Variants in PSIP1 observed in about 807,000 individuals in gnomAD.
PSIP1 encodes the protein PC4 and SRSF1 interacting protein 1.
In PSIP1, 19 loss-of-function variants were observed where a neutral mutation model predicts 74.7. That is an observed-to-expected ratio of 0.25 (90% confidence interval 0.18 to 0.37). PSIP1 has a LOEUF of 0.37. Ranked by LOEUF, PSIP1 falls within the 10% of genes least tolerant of loss-of-function variation. PSIP1 has a pLI of 1.00. For synonymous variants in PSIP1, 222 were observed against 195.3 expected (o/e 1.14, Z -1.14); for missense variants, 601 against 614.3 (o/e 0.98, Z 0.23).
intron 9 of PSIP1, 94 bp downstream of exon 9, chr9:15,473,906 AAAAAAAAAC>A: frequency 4.7e-6 from 4 of 850,064 alleles, no homozygotes; most frequent in African/African-American, 2.3e-5. Flanking sequence ...ATCTCAAACA[AAAAAAAAAC>A]AAAAAAAAAA....
At chr9:15,503,200 C>G (rs530157766) in intron 3 of PSIP1, among the ~76,000 whole-genome samples, 1 of 151,852 alleles carries the variant, frequency 6.6e-6, no homozygotes, top group Non-Finnish European at 1.5e-5. Flanking sequence ...AACCCCATCT[C>G]TACTAAAAAC....
At chr9:15,476,636 C>T (rs1020721099) in intron 8 of PSIP1, among the ~76,000 whole-genome samples, 1 of 152,108 alleles carries the variant, frequency 6.6e-6, no homozygotes, top group East Asian at 1.9e-4. Flanking sequence ...ACAAATGATT[C>T]CTGAGGGATG....
At chr9:15,499,771 G>A (rs776991949) in intron 3 of PSIP1, among the ~76,000 whole-genome samples, 14 of 151,928 alleles carry the variant, frequency 9.2e-5, no homozygotes, top group Non-Finnish European at 1.5e-4. Flanking sequence ...CTACTCAGGA[G>A]GCTGAGGCAG....
chr9:15,477,651 T>G (rs1161976194), intron 8 of PSIP1, among the ~76,000 whole-genome samples: 1 of 151,808 alleles, frequency 6.6e-6, no homozygotes, highest in African/African-American at 2.4e-5. Context: ...CTGGCAAAGA[T>G]TCCCCAAAAA....
At position 15,495,376 on chromosome 9, in the gene PSIP1, C is replaced by G. The variant is rs186688079; in HGVS notation, c.150-5252G>C. Among the ~76,000 whole-genome samples, 134 of 152,180 alleles carry G rather than the reference C, an allele frequency of 8.8e-4. 2 individuals are homozygous for G. The Middle Eastern group carries it at 0.02, about 23-fold the overall frequency. On this transcript the variant is annotated intron_variant, in intron 3 of 15. Coordinates refer to ENST00000380733, the MANE Select transcript of PSIP1 (RefSeq NM_033222.5). Reference sequence around the variant, plus strand: ...CTTAAAAAGGACCATGCAAGGCAATCTTAATAATCAATGGGAAAAGTTACG... The same window carrying G: ...CTTAAAAAGGACCATGCAAGGCAATGTTAATAATCAATGGGAAAAGTTACG...
chr9:15,506,883 T>C (rs1310892203), intron 2 of PSIP1, among the ~76,000 whole-genome samples: 2 of 152,234 alleles, frequency 1.3e-5, no homozygotes. Flanking sequence ...TTTATCCACC[T>C]GTTTCCACTG....
intron 5 of PSIP1, among the ~76,000 whole-genome samples, 178 bp downstream of exon 5, chr9:15,486,649 A>G (rs1282737191): frequency 6.6e-6 from 1 of 152,138 alleles, no homozygotes. Flanking sequence ...TTAAAGATGC[A>G]TAAGTTGTTT....
chr9:15,499,686 C>T (rs1336933018), intron 3 of PSIP1, among the ~76,000 whole-genome samples: 2 of 152,052 alleles, frequency 1.3e-5, no homozygotes, highest in African/African-American at 2.4e-5. Context: ...CCCGCCTGGC[C>T]AACATGGTGA....
chr9:15,493,081 T>C (rs551938910), intron 3 of PSIP1, among the ~76,000 whole-genome samples: 6 of 152,288 alleles, frequency 3.9e-5, no homozygotes, highest in South Asian at 2.1e-4. Context: ...CCTGCTTGAA[T>C]TTCTCCCTAG....
At chr9:15,476,121 G>C (rs1209679283) in intron 8 of PSIP1, among the ~76,000 whole-genome samples, 1 of 152,124 alleles carries the variant, frequency 6.6e-6, no homozygotes, top group African/African-American at 2.4e-5. Flanking sequence ...ACTCCACTGA[G>C]TGTGTGCCCA....
rs1310461740 is a variant in PSIP1 at position 15,464,443 on chromosome 9, A to G, written c.*1077T>C. The G allele has an allele frequency of 5.0e-6, 1 of 199,068 alleles. No homozygotes were observed. The highest frequency in any genetic ancestry group is 6.0e-5 in the Admixed American group (1 of 16,538). 12.3% of individuals were successfully genotyped at this position (199,068 alleles called of 1,614,324 possible). On this transcript the variant is annotated 3_prime_UTR_variant, in exon 16 of 16. Coordinates refer to ENST00000380733, the MANE Select transcript of PSIP1 (RefSeq NM_033222.5). Reference sequence around the variant, plus strand: ...TATCCTTTAGTTAACATACCCTTAAATTTTGTAACATTGATTTTACCCTGG... The same window carrying G: ...TATCCTTTAGTTAACATACCCTTAAGTTTTGTAACATTGATTTTACCCTGG...
At chr9:15,488,831 C>G (rs528569177) in intron 4 of PSIP1, among the ~76,000 whole-genome samples, 1 of 152,112 alleles carries the variant, frequency 6.6e-6, no homozygotes, top group Non-Finnish European at 1.5e-5. Context: ...ACCATCCTGG[C>G]TAACACGGTG....
At chr9:15,476,357 T>G (rs2036077460) in intron 8 of PSIP1, among the ~76,000 whole-genome samples, 1 of 152,212 alleles carries the variant, frequency 6.6e-6, no homozygotes, top group Admixed American at 6.5e-5. Context: ...TGGGTAAAAC[T>G]GTTGGACCGC....
intron 3 of PSIP1, among the ~76,000 whole-genome samples, chr9:15,497,748 T>C (rs1409491076): frequency 2.0e-5 from 3 of 152,294 alleles, no homozygotes; most frequent in East Asian, 3.9e-4. Context: ...GGTTTCTTTT[T>C]GGAGAAATGA....
intron 10 of PSIP1, chr9:15,472,139 T>C (rs912246914): frequency 3.4e-5 from 33 of 984,328 alleles, no homozygotes; most frequent in Non-Finnish European, 4.0e-5. Context: ...ATATTGCACA[T>C]ACATAATAAT....
Position 15,486,993 on chromosome 9 carries a change from T to C in PSIP1, c.289-62A>G, listed in dbSNP as rs1005514352. On this transcript the variant is annotated intron_variant, in intron 4 of 15. Coordinates refer to ENST00000380733, the MANE Select transcript of PSIP1 (RefSeq NM_033222.5). The stretch of plus-strand genomic sequence containing the variant: ...GTTTTTATCCCAATAATATATACAA[T>C]TCTTTATTTTTATTTTTTTTTTAGA... The C allele has an allele frequency of 9.2e-6, 10 of 1,088,198 alleles. No individual in the cohort carries two copies. The East Asian group carries it at 2.5e-4, about 27-fold the overall frequency. The allele number at this position is 1,088,198 out of a possible 1,614,324, so 67.4% of individuals were successfully genotyped here.
chr9:15,465,125 T>C lies in PSIP1; in HGVS notation c.*395A>G, dbSNP rs2035528850. On this transcript the variant is annotated 3_prime_UTR_variant, in exon 16 of 16. Transcript: ENST00000380733. ...AAAAGACAGTCTGGTAAATCCAAGG[T>C]TTGTAAAAACTATGCACAAAACCCA... is the stretch of plus-strand genomic sequence containing the variant. 4.3e-6 allele frequency: 1 copy of C among 233,104 alleles called. No homozygotes were observed. The highest frequency in any genetic ancestry group is 2.2e-5 in the African/African-American group (1 of 45,348). The allele number at this position is 233,104 out of a possible 1,614,324, so 14.4% of individuals were successfully genotyped here.
At chr9:15,501,866 T>TATATATAAAA (rs1491160431) in intron 3 of PSIP1, among the ~76,000 whole-genome samples, 9 of 135,678 alleles carry the variant, frequency 6.6e-5, no homozygotes, top group African/African-American at 2.5e-4. Context: ...TATATATATA[T>TATATATAAAA]AAAACGCACA....
chr9:15,500,108 C>A (rs1440665589), intron 3 of PSIP1, among the ~76,000 whole-genome samples: 3 of 151,980 alleles, frequency 2.0e-5, no homozygotes, highest in African/African-American at 7.3e-5. Context: ...TAGTCTATAA[C>A]AGAAAAATTA....
Sources: allele counts gnomAD v4.1 joint callset (sites outside exome capture counted in the v4.1 genomes callset), GRCh38; gene constraint gnomAD v4.1.1; transcripts MANE v1.5; gene names NCBI Gene and HGNC (gene_info 2026-07-23, HGNC 2026-07-21).